ABCA13: variants seen among roughly 807,000 people sequenced by gnomAD.
ABCA13 encodes ATP binding cassette subfamily A member 13, also known as ATP-binding cassette sub-family A member 13.
A neutral mutation model predicts 478.7 loss-of-function variants in ABCA13; 476 were observed. The ratio of observed to expected loss-of-function variants is 0.99; its 90% CI spans 0.92 to 1.07. The LOEUF is 1.07. ABCA13 is among the 50% of genes least tolerant of loss of function. The pLI, the probability that ABCA13 is intolerant of heterozygous loss-of-function variation, is 0.00. For missense variants in ABCA13, 6,060 were observed against 5,910.6 expected (o/e 1.03, Z -0.83); for synonymous variants, 2,252 against 2,158.9 (o/e 1.04, Z -1.20).
chr7:48,592,314 C>A (rs1052608034), intron 57 of ABCA13, among the ~76,000 whole-genome samples: 2 of 151,226 alleles, frequency 1.3e-5, no homozygotes, highest in Non-Finnish European at 3.0e-5. Flanking sequence ...TTAAAATTTT[C>A]TTTTTAATTT....
intron 1 of ABCA13, among the ~76,000 whole-genome samples, chr7:48,186,965 A>G (rs139549453): frequency 0.21 from 31,784 of 150,436 alleles, 4,033 homozygotes; most frequent in African/African-American, 0.34. Flanking sequence ...GTGTTATTTC[A>G]TTATTGAGAA....
At chr7:48,565,065 T>C (rs1465259433) in intron 55 of ABCA13, among the ~76,000 whole-genome samples, 1 of 152,102 alleles carries the variant, frequency 6.6e-6, no homozygotes, top group African/African-American at 2.4e-5. Flanking sequence ...AAATGAAAAG[T>C]CTGAGTGACT....
chr7:48,404,243 CAG>C (rs1817982323), intron 39 of ABCA13: 4 of 288,796 alleles, frequency 1.4e-5, no homozygotes, highest in South Asian at 1.2e-4. Context: ...AATGAAGGCT[CAG>C]AGAGACGGGC....
rs764419512 is a variant in ABCA13 at position 48,528,324 on chromosome 7, C to G, written c.14333C>G (p.Ala4778Gly). The change falls in exon 55 of 62, where the codon GCT becomes GGT. Residue 4778 changes from alanine to glycine, a missense_variant. Around this residue, in one of 3 missense-constraint regions of ABCA13, gnomAD observed 1,627 missense variants for 1,571.0 expected, o/e 1.04. Transcript: ENST00000435803. ...GAAGTTTCTCTAACTTCAGGACATG[C>G]TATCATCAGGACTCCCATGGGGTAA... ...NGEVSLTSGH[A>G]IIRTPMGDAV... 2 of 1,566,130 alleles carry G rather than the reference C, an allele frequency of 1.3e-6. No homozygotes were observed. The highest frequency in any genetic ancestry group is 1.7e-6 in the Non-Finnish European group (2 of 1,154,226).
chr7:48,520,569 G>A (rs34652761), intron 53 of ABCA13, among the ~76,000 whole-genome samples: 12,714 of 151,608 alleles, frequency 0.084, 920 homozygotes, highest in African/African-American at 0.2. Flanking sequence ...TTTTTTTATT[G>A]TACTTTAAGT....
intron 7 of ABCA13, among the ~76,000 whole-genome samples, chr7:48,231,168 TAAA>T (rs768172808): frequency 1.5e-5 from 2 of 137,700 alleles, no homozygotes. Flanking sequence ...AACTTAAAGT[TAAA>T]AAAAAAAAAA....
intron 55 of ABCA13, among the ~76,000 whole-genome samples, chr7:48,551,651 T>A (rs1785335785): frequency 6.6e-6 from 1 of 151,704 alleles, no homozygotes; most frequent in African/African-American, 2.4e-5. Context: ...TCTGTTTTAA[T>A]TTGTTTCTAC....
At position 48,293,192 on chromosome 7, in the gene ABCA13, G is replaced by GCCCCCC. The variant is rs367570188; in HGVS notation, c.8956-2503_8956-2498dup. On this transcript the variant is annotated intron_variant, in intron 20 of 61. Transcript: ENST00000435803. ...TTCATCATTTCCTGAGAAGTCTTCA[G>GCCCCCC]CCCCCCCCCCGCCACACACACACTA... 1.5e-3 allele frequency among the ~76,000 whole-genome samples: 163 copies of GCCCCCC among 108,262 alleles called. 11 individuals carry two copies. Among genetic ancestry groups the GCCCCCC allele is most frequent in the Non-Finnish European group, 2.3e-3 (117 of 50,854 alleles). The allele number at this position is 108,262 out of a possible 152,430, so 71.0% of individuals were successfully genotyped here.
At position 48,471,559 on chromosome 7, in the gene ABCA13, C is replaced by T; in HGVS notation, c.12935C>T (p.Pro4312Leu). 1 of 1,563,746 alleles carries T rather than the reference C, an allele frequency of 6.4e-7. No homozygotes were observed. The highest frequency in any genetic ancestry group is 8.7e-7 in the Non-Finnish European group (1 of 1,151,994). The change falls in exon 45 of 62, where the codon CCC becomes CTC. Residue 4312 changes from proline (P) to leucine (L), a missense_variant. This residue lies in a region of ABCA13 where 1,627 missense variants were observed against 1,571.0 expected (regional missense o/e 1.04). Transcript: ENST00000435803. The part of the protein sequence containing the change: ...QKNSSCWRTD[P>L]FSHPEFQDSC... ...AATTCTTCATGCTGGCGCACAGATCCCTTTTCTCACCCAGAATTCCAGGAT... is the reference window on the plus strand; with the variant it reads ...AATTCTTCATGCTGGCGCACAGATCTCTTTTCTCACCCAGAATTCCAGGAT...
chr7:48,290,980 A>G (rs576764924), intron 20 of ABCA13, among the ~76,000 whole-genome samples: 2 of 151,824 alleles, frequency 1.3e-5, no homozygotes, highest in Non-Finnish European at 2.9e-5. Context: ...AGAAAAGAAG[A>G]AAAAAGCAGA....
chr7:48,272,487 G>C lies in ABCA13; in HGVS notation c.2821G>C (p.Val941Leu), dbSNP rs78575608. The C allele has an allele frequency of 0.057, 91,880 of 1,613,652 alleles. 2,924 individuals carry two copies. The highest frequency in any genetic ancestry group is 0.068 in the Middle Eastern group (412 of 6,062). ...CCTTTCTGAACCACAAAAACAAGAA[G>C]TTGATAAAATTTTGACTCACATACA... ...SALSEPQKQE[V>L]DKILTHIHLN... Residue 941 changes from valine (V) to leucine (L), a missense_variant, in exon 17 of 62, where the codon GTT becomes CTT. Around this residue, in one of 3 missense-constraint regions of ABCA13, gnomAD observed 4,423 missense variants for 4,309.1 expected, o/e 1.03. Coordinates refer to ENST00000435803, the MANE Select transcript of ABCA13 (RefSeq NM_152701.5).
chr7:48,508,146 C>T, intron 50 of ABCA13, 97 bp downstream of exon 50: 1 of 1,488,962 alleles, frequency 6.7e-7, no homozygotes, highest in Non-Finnish European at 9.2e-7. Flanking sequence ...CCCTGGCTGC[C>T]TTGGAGTGTC....
At chr7:48,355,214 A>G (rs1809695819) in intron 31 of ABCA13, among the ~76,000 whole-genome samples, 1 of 151,824 alleles carries the variant, frequency 6.6e-6, no homozygotes. Flanking sequence ...CTAGGAGGGG[A>G]AGATGGAATT....
chr7:48,334,609 A>G (rs2128941539), intron 27 of ABCA13, among the ~76,000 whole-genome samples: 1 of 152,348 alleles, frequency 6.6e-6, no homozygotes, highest in Middle Eastern at 3.4e-3. Context: ...TGCTGGGATT[A>G]CAGGCGTGAG....
At chr7:48,178,748 T>G (rs1381436617) in intron 1 of ABCA13, among the ~76,000 whole-genome samples, 1 of 151,282 alleles carries the variant, frequency 6.6e-6, no homozygotes, top group Non-Finnish European at 1.5e-5. Context: ...TTATCCAGTC[T>G]TCTAAAGGTA....
intron 1 of ABCA13, among the ~76,000 whole-genome samples, chr7:48,192,501 A>C (rs891985108): frequency 1.5e-4 from 23 of 152,194 alleles, no homozygotes; most frequent in Non-Finnish European, 2.9e-4. Context: ...GATAGTTATA[A>C]ATCTTGTTTG....
chr7:48,406,242 A>G (rs1818242130), intron 39 of ABCA13, among the ~76,000 whole-genome samples: 1 of 152,172 alleles, frequency 6.6e-6, no homozygotes, highest in South Asian at 2.1e-4. Flanking sequence ...AATACCGGTG[A>G]AAACTGGCAC....
chr7:48,427,693 T>A, intron 41 of ABCA13, 73 bp from the exon 42 acceptor site: 1 of 971,740 alleles, frequency 1.0e-6, no homozygotes, highest in Non-Finnish European at 1.6e-6. Context: ...ATTAGGCAAT[T>A]GAGGCAGAAG....
chr7:48,268,798 G>A (rs886979488), intron 15 of ABCA13, among the ~76,000 whole-genome samples, 182 bp from the exon 16 acceptor site: 3 of 149,484 alleles, frequency 2.0e-5, no homozygotes, highest in African/African-American at 7.4e-5. Context: ...GCCAGTGACT[G>A]GTACCTCATC....
Sources: gnomAD v4.1 joint callset for allele counts (sites outside exome capture counted in the v4.1 genomes callset) on GRCh38, gnomAD v4.1.1 for gene constraint, gnomAD v4.1.1 regional missense constraint, MANE v1.5 for transcripts, NCBI Gene and HGNC (gene_info 2026-07-23, HGNC 2026-07-21) for gene names.